GPR89A: variants seen among roughly 807,000 people sequenced by gnomAD.
The protein encoded by GPR89A is golgi pH regulator A.
GPR89A carries 16 observed loss-of-function variants against 52.0 expected under a neutral mutation model. The observed-to-expected ratio is 0.31, with a 90% CI of 0.21 to 0.47. The LOEUF (loss-of-function observed/expected upper bound fraction) is 0.47. Among genes scored for constraint, GPR89A ranks in the 20% least tolerant of loss-of-function variants. The pLI is 1.00. For missense variants in GPR89A, 135 were observed against 449.4 expected, an observed-to-expected ratio of 0.30 and a Z score of 6.33; for synonymous variants, 55 against 150.9, an observed-to-expected ratio of 0.36 and a Z score of 4.66.
intron 5 of GPR89A, among the ~76,000 whole-genome samples, chr1:145,626,995 A>G (rs1649556275): frequency 1.3e-5 from 2 of 151,904 alleles, no homozygotes; most frequent in South Asian, 2.1e-4. Context: ...AAAATGAAAA[A>G]AAGATAATCT....
rs1649262525 is a variant in GPR89A at position 145,623,246 on chromosome 1, T to G, written c.313+86T>G. 2.7e-5 allele frequency: 27 copies of G among 1,010,974 alleles called. No homozygotes were observed. The South Asian group carries it at 3.8e-4, about 14-fold the overall frequency. 62.6% of individuals were successfully genotyped at this position (1,010,974 alleles called of 1,614,324 possible). A position where few individuals can be genotyped will look rare whatever the true frequency, so the allele number is the denominator to read the frequency against. ...ATTGTGGATAGCTTCATTTCTACATTAACTTTCAGTATCTACCGCTATTTG... is the reference window on the plus strand; with the variant it reads ...ATTGTGGATAGCTTCATTTCTACATGAACTTTCAGTATCTACCGCTATTTG... On this transcript the variant is annotated intron_variant, in intron 4 of 13. Coordinates refer to ENST00000313835, the MANE Select transcript of GPR89A (RefSeq NM_001097612.2).
chr1:145,664,371 C>T (rs1236032514), intron 11 of GPR89A, among the ~76,000 whole-genome samples: 2 of 152,182 alleles, frequency 1.3e-5, no homozygotes, highest in African/African-American at 4.8e-5. Context: ...GCTTTACAGG[C>T]CACGCACTAC....
At chr1:145,656,454 T>G (rs1393076809) in intron 10 of GPR89A, among the ~76,000 whole-genome samples, 1 of 152,164 alleles carries the variant, frequency 6.6e-6, no homozygotes. Flanking sequence ...TGCACTACCC[T>G]GCTTTTCCTC....
At chr1:145,639,113 A>G (rs758634882) in intron 7 of GPR89A, among the ~76,000 whole-genome samples, 86 of 151,652 alleles carry the variant, frequency 5.7e-4, no homozygotes, top group Non-Finnish European at 5.7e-4. Context: ...GTTTGCTGAA[A>G]ATTATAAAAC....
chr1:145,624,758 CTCAGGGTCTATGACA>C (rs1649379148), intron 5 of GPR89A, among the ~76,000 whole-genome samples: 1 of 135,904 alleles, frequency 7.4e-6, no homozygotes, highest in Non-Finnish European at 1.6e-5. Context: ...TCACCTGCCA[CTCAGGGTCTATGACA>C]TCAGGGACCT....
intron 7 of GPR89A, among the ~76,000 whole-genome samples, chr1:145,639,912 T>TA (rs1203507475): frequency 6.6e-6 from 1 of 151,986 alleles, no homozygotes; most frequent in African/African-American, 2.4e-5. Context: ...ATCTAAGTCT[T>TA]ACACCTTATA....
chr1:145,637,462 T>G (rs1163506294), intron 7 of GPR89A, among the ~76,000 whole-genome samples: 2 of 151,896 alleles, frequency 1.3e-5, no homozygotes, highest in Non-Finnish European at 2.9e-5. Context: ...GTATGACAGA[T>G]TTCACAGTTT....
At chr1:145,619,870 C>T (rs1182024758) in intron 3 of GPR89A, among the ~76,000 whole-genome samples, 1 of 151,890 alleles carries the variant, frequency 6.6e-6, no homozygotes, top group African/African-American at 2.4e-5. Flanking sequence ...AAAAAATTAG[C>T]TGGGCGTGGT....
intron 3 of GPR89A, among the ~76,000 whole-genome samples, chr1:145,619,292 C>A (rs1553687598): frequency 2.5e-5 from 3 of 119,174 alleles, no homozygotes; most frequent in African/African-American, 3.4e-5. Flanking sequence ...AATCACAAAA[C>A]ATTGAAAGGT....
intron 10 of GPR89A, among the ~76,000 whole-genome samples, chr1:145,656,797 C>T (rs1338469909): frequency 6.6e-6 from 1 of 150,936 alleles, no homozygotes; most frequent in Non-Finnish European, 1.5e-5. Flanking sequence ...GAGATAGCAT[C>T]CAGTCTCACC....
At chr1:145,610,773 A>G (rs1274818116) in intron 1 of GPR89A, among the ~76,000 whole-genome samples, 4 of 152,178 alleles carry the variant, frequency 2.6e-5, no homozygotes, top group Admixed American at 6.5e-5. Flanking sequence ...TAAATGATTA[A>G]AAGGGTGAAT....
At chr1:145,654,118 A>G (rs1651647317) in intron 10 of GPR89A, among the ~76,000 whole-genome samples, 1 of 152,038 alleles carries the variant, frequency 6.6e-6, no homozygotes, top group South Asian at 2.1e-4. Flanking sequence ...TCCTTTCCAT[A>G]CTTAGTGCTT....
At chr1:145,645,387 A>G in intron 8 of GPR89A, 4 of 355,050 alleles carry the variant, frequency 1.1e-5, no homozygotes, top group Non-Finnish European at 1.7e-5. Context: ...TGTATTTACT[A>G]TGTTTATTAC....
In GPR89A at chr1:145,617,319, A is replaced by G. The variant is rs1320596028; in HGVS notation, c.103-1001A>G. Among the ~76,000 whole-genome samples, 4 of 152,286 alleles carry G rather than the reference A, an allele frequency of 2.6e-5. No individual in the cohort carries two copies. In the Middle Eastern group the frequency reaches 0.014, roughly 518 times the overall value. On this transcript the variant is annotated intron_variant, in intron 2 of 13. Coordinates refer to ENST00000313835, the MANE Select transcript of GPR89A (RefSeq NM_001097612.2). ...CCGCAAGCAGTCAGACCTTATGGTT[A>G]TCTTTCCGTGTTCCCTGAAAATTGC...
intron 10 of GPR89A, among the ~76,000 whole-genome samples, chr1:145,662,702 G>C (rs1215947417): frequency 6.6e-6 from 1 of 152,128 alleles, no homozygotes; most frequent in African/African-American, 2.4e-5. Context: ...TCACACTCCA[G>C]TGGCAGAGTT....
chr1:145,669,618 T>C lies in GPR89A; in HGVS notation c.1096-7T>C. ...CTGCATAAATTCATCTCCCTCTTTC[T>C]TGACAGTTCTTTTATGCCATCTCTA... On this transcript the variant is annotated splice_polypyrimidine_tract_variant and splice_region_variant and intron_variant, in intron 12 of 13. Coordinates refer to ENST00000313835, the MANE Select transcript of GPR89A (RefSeq NM_001097612.2). The C allele has an allele frequency of 6.2e-7, 1 of 1,611,072 alleles. No individual in the cohort carries two copies.
intron 7 of GPR89A, among the ~76,000 whole-genome samples, chr1:145,634,626 A>G (rs1484833377): frequency 6.6e-6 from 1 of 150,432 alleles, no homozygotes; most frequent in Non-Finnish European, 1.5e-5. Context: ...TGAATCCTTG[A>G]TCTAAAACTT....
chr1:145,630,057 ATTTAT>A (rs1649787907), intron 5 of GPR89A, among the ~76,000 whole-genome samples: 1 of 151,976 alleles, frequency 6.6e-6, no homozygotes, highest in East Asian at 1.9e-4. Flanking sequence ...AACCAGCAGT[ATTTAT>A]TTTAACTGCT....
intron 10 of GPR89A, among the ~76,000 whole-genome samples, chr1:145,658,617 A>G (rs1553694890): frequency 6.9e-6 from 1 of 145,952 alleles, no homozygotes; most frequent in Non-Finnish European, 1.5e-5. Context: ...GCAGAGCAAG[A>G]CTGTCTTAAA....
Sources: gnomAD v4.1 joint callset for allele counts (sites outside exome capture counted in the v4.1 genomes callset) on GRCh38, gnomAD v4.1.1 for gene constraint, MANE v1.5 for transcripts, NCBI Gene and HGNC (gene_info 2026-07-23, HGNC 2026-07-21) for gene names.